ZNF521: variants seen among roughly 807,000 people sequenced by gnomAD.
ZNF521 encodes zinc finger protein 521.
In ZNF521, 14 loss-of-function variants were observed where a neutral mutation model predicts 105.5. The ratio of observed to expected loss-of-function variants is 0.13; its 90% CI spans 0.09 to 0.21. The LOEUF (loss-of-function observed/expected upper bound fraction) is 0.21, where lower values mean the gene tolerates loss of function less well. Among genes scored for constraint, ZNF521 ranks in the 10% least tolerant of loss-of-function variants. ZNF521 has a pLI of 1.00. For synonymous variants in ZNF521, 635 were observed against 606.0 expected, an observed-to-expected ratio of 1.05 and a Z score of -0.70; for missense variants, 1,233 against 1,629.7, an observed-to-expected ratio of 0.76 and a Z score of 4.19.
At chr18:25,086,408 A>G (rs1050141714) in intron 7 of ZNF521, among the ~76,000 whole-genome samples, 5 of 152,172 alleles carry the variant, frequency 3.3e-5, no homozygotes, top group African/African-American at 1.2e-4. Context: ...ATGAATGCCA[A>G]AAGTTAAAAT....
intron 3 of ZNF521, among the ~76,000 whole-genome samples, chr18:25,280,278 G>A (rs755469208): frequency 6.6e-6 from 1 of 152,154 alleles, no homozygotes; most frequent in Non-Finnish European, 1.5e-5. Flanking sequence ...ACCATTAAGT[G>A]GCACATGTGA....
At chr18:25,159,887 T>G (rs149376947) in intron 5 of ZNF521, among the ~76,000 whole-genome samples, 1 of 152,288 alleles carries the variant, frequency 6.6e-6, no homozygotes, top group Non-Finnish European at 1.5e-5. Context: ...GTGGAGTAAA[T>G]GAGACAATAT....
chr18:25,218,775 G>C (rs4644931), intron 4 of ZNF521, among the ~76,000 whole-genome samples: 1 of 151,390 alleles, frequency 6.6e-6, no homozygotes, highest in African/African-American at 2.4e-5. Context: ...TTGAACCTGA[G>C]AGGCAGAGGT....
intron 5 of ZNF521, among the ~76,000 whole-genome samples, chr18:25,174,320 C>G (rs1437108777): frequency 1.3e-5 from 2 of 152,094 alleles, no homozygotes; most frequent in African/African-American, 4.8e-5. Context: ...TCTCTCCACC[C>G]TGGTCAGGTG....
chr18:25,205,758 A>G (rs755835336), intron 4 of ZNF521, among the ~76,000 whole-genome samples: 2 of 152,252 alleles, frequency 1.3e-5, no homozygotes, highest in Admixed American at 6.5e-5. Flanking sequence ...TTTCCTAAGT[A>G]TATGGTTTCT....
chr18:25,145,104 A>G (rs2034919147), intron 5 of ZNF521, among the ~76,000 whole-genome samples: 1 of 152,182 alleles, frequency 6.6e-6, no homozygotes, highest in Non-Finnish European at 1.5e-5. Flanking sequence ...GGTTGTGGAC[A>G]TAGTTTTCCA....
intron 5 of ZNF521, among the ~76,000 whole-genome samples, chr18:25,124,193 C>T (rs1327384882): frequency 2.0e-5 from 3 of 152,134 alleles, no homozygotes; most frequent in East Asian, 3.9e-4. Flanking sequence ...TTATTTGTAA[C>T]TGGGTAAGTT....
At chr18:25,068,414 A>G (rs1305719038) in intron 7 of ZNF521, among the ~76,000 whole-genome samples, 1 of 152,216 alleles carries the variant, frequency 6.6e-6, no homozygotes, top group Non-Finnish European at 1.5e-5. Flanking sequence ...CTGGAAGTAT[A>G]TTCTAGTTCA....
intron 3 of ZNF521, among the ~76,000 whole-genome samples, chr18:25,257,491 T>A (rs62083931): frequency 0.044 from 6,680 of 152,254 alleles, 202 homozygotes; most frequent in Middle Eastern, 0.085. Context: ...GGGACTAGAT[T>A]TCTATACTGT....
intron 2 of ZNF521, among the ~76,000 whole-genome samples, chr18:25,330,571 A>G (rs1053733223): frequency 5.9e-5 from 9 of 152,204 alleles, no homozygotes; most frequent in African/African-American, 2.2e-4. Context: ...GCTTTATTTT[A>G]AGCACACACA....
At chr18:25,327,085 C>CA (rs1185959027) in intron 2 of ZNF521, among the ~76,000 whole-genome samples, 14 of 150,830 alleles carry the variant, frequency 9.3e-5, no homozygotes, top group Admixed American at 3.3e-4. Flanking sequence ...AAAACTGTCA[C>CA]AAAAAAAAAT....
At chr18:25,163,874 C>T (rs566710319) in intron 5 of ZNF521, among the ~76,000 whole-genome samples, 2 of 152,184 alleles carry the variant, frequency 1.3e-5, no homozygotes, top group East Asian at 3.9e-4. Flanking sequence ...CGGAACAGGG[C>T]CTGCTGGTTT....
chr18:25,120,593 A>AACAG (rs1567970567), intron 5 of ZNF521, among the ~76,000 whole-genome samples: 1 of 108,076 alleles, frequency 9.3e-6, no homozygotes, highest in Non-Finnish European at 2.0e-5. Flanking sequence ...AAAAAAAAAA[A>AACAG]AAAAAAAAAC....
intron 5 of ZNF521, among the ~76,000 whole-genome samples, chr18:25,100,081 T>A (rs2033937017): frequency 1.3e-5 from 2 of 151,750 alleles, no homozygotes; most frequent in Non-Finnish European, 1.5e-5. Context: ...CTTTTCTTTT[T>A]TTCTTTCTTT....
Position 25,066,815 on chromosome 18 carries a change from C to G in ZNF521, c.3907-4074G>C, listed in dbSNP as rs202218634. On this transcript the variant is annotated intron_variant, in intron 7 of 7. Coordinates refer to ENST00000361524, the MANE Select transcript of ZNF521 (RefSeq NM_015461.3). Reference sequence around the variant, plus strand: ...ATCCACAAGCAGCCTTCTCTCTGTGCAAGAGTTTTCAGCTCTTTAGGTCCA... The same window carrying G: ...ATCCACAAGCAGCCTTCTCTCTGTGGAAGAGTTTTCAGCTCTTTAGGTCCA... Among the ~76,000 whole-genome samples the G allele has an allele frequency of 8.5e-5, 13 of 152,286 alleles. No homozygotes were observed. The South Asian group carries it at 2.1e-3, about 24-fold the overall frequency.
intron 5 of ZNF521, among the ~76,000 whole-genome samples, chr18:25,125,394 A>G (rs774493513): frequency 2.6e-5 from 4 of 152,148 alleles, no homozygotes; most frequent in Non-Finnish European, 5.9e-5. Context: ...TATTCATATT[A>G]AGAAAATTAG....
At position 25,090,937 on chromosome 18, in the gene ZNF521, G is replaced by A. The variant is rs75298154; in HGVS notation, c.3790+1013C>T. Among the ~76,000 whole-genome samples the A allele has an allele frequency of 3.9e-4, 59 of 152,300 alleles. No individual in the cohort carries two copies. The East Asian group carries it at 9.8e-3, about 25-fold the overall frequency. On this transcript the variant is annotated intron_variant, in intron 6 of 7. Transcript: ENST00000361524. ...GAGTTCCAAAAGAAGGATGGAGAGT[G>A]GCTGATGGAATTATTGAATGAAGGA...
At chr18:25,200,557 C>A (rs996175070) in intron 4 of ZNF521, among the ~76,000 whole-genome samples, 7 of 152,146 alleles carry the variant, frequency 4.6e-5, no homozygotes, top group Non-Finnish European at 1.0e-4. Context: ...CTAAGACACT[C>A]TCCATTCACT....
At chr18:25,224,152 C>G (rs1317099149) in intron 4 of ZNF521, 193 bp downstream of exon 4, 1 of 610,182 alleles carries the variant, frequency 1.6e-6, no homozygotes, top group East Asian at 2.8e-5. Context: ...TTGCACCATT[C>G]AAGCCAAAAT....
Sources: gnomAD v4.1 joint callset for allele counts (sites outside exome capture counted in the v4.1 genomes callset) on GRCh38, gnomAD v4.1.1 for gene constraint, MANE v1.5 for transcripts, NCBI Gene and HGNC (gene_info 2026-07-23, HGNC 2026-07-21) for gene names.